The following HIP1 variants were observed in gnomAD, a reference collection of about 807,000 sequenced individuals.
HIP1 encodes the protein huntingtin interacting protein 1, also known as huntingtin-interacting protein 1.
Under a neutral mutation model 147.6 loss-of-function variants are expected in HIP1, and 65 were observed. The observed-to-expected ratio is 0.44, with a 90% CI of 0.36 to 0.54. The LOEUF (loss-of-function observed/expected upper bound fraction) is 0.54. Ranked by LOEUF, HIP1 falls within the 20% of genes least tolerant of loss-of-function variation. HIP1 has a pLI of 0.00. For missense variants in HIP1, 1,061 were observed against 1,299.6 expected (o/e 0.82, Z 2.82); for synonymous variants, 479 against 504.0 (o/e 0.95, Z 0.67).
intron 5 of HIP1, among the ~76,000 whole-genome samples, chr7:75,582,822 GA>G (rs1325088839): frequency 9.3e-5 from 14 of 151,280 alleles, no homozygotes; most frequent in Admixed American, 5.3e-4. Flanking sequence ...GCAAAAAAAA[GA>G]AAAAAAAATC....
chr7:75,669,162 G>A (rs539445449), intron 1 of HIP1, among the ~76,000 whole-genome samples: 1 of 152,058 alleles, frequency 6.6e-6, no homozygotes, highest in African/African-American at 2.4e-5. Flanking sequence ...TCAGGAGATC[G>A]AGACCATCCT....
Position 75,730,484 on chromosome 7 carries a change from C to T in HIP1, c.120+8317G>A, listed in dbSNP as rs563920661. On this transcript the variant is annotated intron_variant, in intron 1 of 30. Transcript: ENST00000336926. The stretch of plus-strand genomic sequence containing the variant: ...CCTCCCAAGTAGCTGGGATTACAGG[C>T]GCACGCCACCACGCCCAGCTAATTT... Among the ~76,000 whole-genome samples the T allele has an allele frequency of 9.9e-5, 15 of 151,634 alleles. 1 individual carries two copies. The highest frequency in any genetic ancestry group is 3.6e-4 in the African/African-American group (15 of 41,352).
At chr7:75,701,062 G>A (rs1800815594) in intron 1 of HIP1, among the ~76,000 whole-genome samples, 1 of 152,104 alleles carries the variant, frequency 6.6e-6, no homozygotes, top group South Asian at 2.1e-4. Context: ...AGCCTCTCCG[G>A]ATGGGATGAG....
rs557470150 is a variant in HIP1 at position 75,700,618 on chromosome 7, C to T, written c.120+38183G>A. Among the ~76,000 whole-genome samples the T allele has an allele frequency of 7.2e-4, 110 of 152,238 alleles. 1 individual carries two copies. The highest frequency in any genetic ancestry group is 2.6e-3 in the African/African-American group (107 of 41,552). The stretch of plus-strand genomic sequence containing the variant: ...TTACCATCTACAGTCACTCAAAACA[C>T]AGCCACGGCAGAGACAAAAGACAAC... On this transcript the variant is annotated intron_variant, in intron 1 of 30. Coordinates refer to ENST00000336926, the MANE Select transcript of HIP1 (RefSeq NM_005338.7).
Position 75,533,400 on chromosome 7 carries a change from CAG to C in HIP1, c.*4770_*4771del, listed in dbSNP as rs1554487959. The C allele has an allele frequency of 4.3e-6, 1 of 230,062 alleles. No individual in the cohort carries two copies. The highest frequency in any genetic ancestry group is 8.6e-6 in the Non-Finnish European group (1 of 116,260). The allele number at this position is 230,062 out of a possible 1,614,324, so 14.3% of individuals were successfully genotyped here. ...TAATAAAAGTATTGTTGGAGGGAAACAGAAGCCAGTGGCCACCTGCCCTGGGA... is the reference window on the plus strand; with the variant it reads ...TAATAAAAGTATTGTTGGAGGGAAACAAGCCAGTGGCCACCTGCCCTGGGA... On this transcript the variant is annotated 3_prime_UTR_variant, in exon 31 of 31. Coordinates refer to ENST00000336926, the MANE Select transcript of HIP1 (RefSeq NM_005338.7).
At chr7:75,540,107 T>A (rs1794246201) in intron 29 of HIP1, among the ~76,000 whole-genome samples, 1 of 152,220 alleles carries the variant, frequency 6.6e-6, no homozygotes. Context: ...TTCTCATTAA[T>A]GTAATTTATT....
At chr7:75,732,535 A>G (rs1801870383) in intron 1 of HIP1, among the ~76,000 whole-genome samples, 1 of 151,842 alleles carries the variant, frequency 6.6e-6, no homozygotes, top group Non-Finnish European at 1.5e-5. Flanking sequence ...ATGCCCAGCT[A>G]ATTATTTGAT....
At chr7:75,712,499 C>T (rs1801189996) in intron 1 of HIP1, among the ~76,000 whole-genome samples, 1 of 152,108 alleles carries the variant, frequency 6.6e-6, no homozygotes, top group Non-Finnish European at 1.5e-5. Context: ...TGAACGTTTC[C>T]AGAGTCATCC....
At chr7:75,639,081 G>T (rs1011908328) in intron 1 of HIP1, 16 of 984,670 alleles carry the variant, frequency 1.6e-5, no homozygotes, top group Non-Finnish European at 9.6e-6. Context: ...CCGAGGCTGC[G>T]GGGCACCCCC....
intron 1 of HIP1, among the ~76,000 whole-genome samples, chr7:75,643,619 G>C (rs929398714): frequency 2.0e-5 from 3 of 152,204 alleles, no homozygotes; most frequent in Non-Finnish European, 2.9e-5. Flanking sequence ...CAAAGGTTCT[G>C]TAACTTTGCC....
chr7:75,619,630 C>G (rs1470795192), intron 1 of HIP1, among the ~76,000 whole-genome samples: 1 of 151,832 alleles, frequency 6.6e-6, no homozygotes, highest in African/African-American at 2.4e-5. Context: ...GACAAGTATA[C>G]CTTGATGTAA....
intron 11 of HIP1, 119 bp downstream of exon 11, chr7:75,562,816 A>G: frequency 9.9e-7 from 1 of 1,014,128 alleles, no homozygotes; most frequent in South Asian, 1.6e-5. Flanking sequence ...TGCTAGGTGA[A>G]TGAAGAGAAG....
chr7:75,671,816 C>A (rs1554515339), intron 1 of HIP1, among the ~76,000 whole-genome samples: 2 of 152,020 alleles, frequency 1.3e-5, no homozygotes, highest in East Asian at 3.9e-4. Flanking sequence ...CTCACTGCAA[C>A]CTCCGCCTCC....
At chr7:75,633,737 A>C (rs938208504) in intron 1 of HIP1, among the ~76,000 whole-genome samples, 9 of 152,112 alleles carry the variant, frequency 5.9e-5, no homozygotes, top group Non-Finnish European at 1.5e-5. Context: ...TGGGCATTTA[A>C]CTTCTACCAC....
intron 1 of HIP1, among the ~76,000 whole-genome samples, chr7:75,719,888 A>G (rs1448095071): frequency 6.6e-6 from 1 of 152,176 alleles, no homozygotes; most frequent in Non-Finnish European, 1.5e-5. Context: ...CCCAGACACA[A>G]GGCTGGGTCT....
At chr7:75,610,640 C>T (rs782419147) in intron 1 of HIP1, among the ~76,000 whole-genome samples, 7 of 151,758 alleles carry the variant, frequency 4.6e-5, no homozygotes, top group South Asian at 2.1e-4. Context: ...GGCCCACAGT[C>T]GCGAAGGCAG....
intron 1 of HIP1, among the ~76,000 whole-genome samples, chr7:75,694,489 T>C (rs1313764916): frequency 6.8e-6 from 1 of 147,072 alleles, no homozygotes; most frequent in Admixed American, 7.1e-5. Context: ...TTTTTTTCTT[T>C]TTCTTTTCTT....
chr7:75,593,448 C>T (rs587709247), intron 2 of HIP1, among the ~76,000 whole-genome samples: 12 of 151,822 alleles, frequency 7.9e-5, no homozygotes, highest in Admixed American at 2.6e-4. Context: ...CTGACCAACA[C>T]GGCGAAACTC....
intron 1 of HIP1, among the ~76,000 whole-genome samples, chr7:75,629,623 A>AGGTT (rs1798147716): frequency 6.6e-6 from 1 of 150,778 alleles, no homozygotes; most frequent in South Asian, 2.1e-4. Flanking sequence ...GCTCACTGCA[A>AGGTT]CCTCCGCCTC....
Sources: gnomAD v4.1 joint callset for allele counts (sites outside exome capture counted in the v4.1 genomes callset) on GRCh38, gnomAD v4.1.1 for gene constraint, MANE v1.5 for transcripts, NCBI Gene and HGNC (gene_info 2026-07-23, HGNC 2026-07-21) for gene names.